Variants in ABCA1 observed in about 807,000 individuals in gnomAD.
The protein encoded by ABCA1 is phospholipid-transporting ATPase ABCA1.
In ABCA1, 133 loss-of-function variants were observed where a neutral mutation model predicts 262.5. The ratio of observed to expected loss-of-function variants is 0.51; its 90% CI spans 0.44 to 0.59. The LOEUF (loss-of-function observed/expected upper bound fraction) is 0.59. Ranked by LOEUF, ABCA1 falls within the 20% of genes least tolerant of loss-of-function variation. The pLI is 0.00. For missense variants in ABCA1, 2,452 were observed against 2,777.5 expected (o/e 0.88, Z 2.63); for synonymous variants, 1,022 against 1,043.5 (o/e 0.98, Z 0.40).
chr9:104,899,637 C>T (rs1025318476), intron 2 of ABCA1, among the ~76,000 whole-genome samples: 1 of 151,516 alleles, frequency 6.6e-6, no homozygotes, highest in East Asian at 1.9e-4. Context: ...GAGGTTGCGG[C>T]GAGCTGAGAT....
intron 2 of ABCA1, among the ~76,000 whole-genome samples, chr9:104,901,364 G>A (rs185897038): frequency 4.9e-4 from 75 of 152,116 alleles, no homozygotes; most frequent in African/African-American, 1.7e-3. Flanking sequence ...TTTCTCATCC[G>A]TAAAATAAGA....
intron 1 of ABCA1, among the ~76,000 whole-genome samples, chr9:104,906,028 TATAA>T (rs1298409022): frequency 6.6e-6 from 1 of 152,198 alleles, no homozygotes; most frequent in Non-Finnish European, 1.5e-5. Flanking sequence ...AACGAGATAA[TATAA>T]ATAATTTCCC....
chr9:104,865,723 A>G (rs1194217998), intron 5 of ABCA1, among the ~76,000 whole-genome samples: 1 of 152,178 alleles, frequency 6.6e-6, no homozygotes, highest in East Asian at 1.9e-4. Context: ...TGAAGGTAAT[A>G]GTATCCACAT....
At chr9:104,915,309 G>C (rs1039682049) in intron 1 of ABCA1, among the ~76,000 whole-genome samples, 1 of 152,166 alleles carries the variant, frequency 6.6e-6, no homozygotes, top group Non-Finnish European at 1.5e-5. Context: ...AGCTAACTCG[G>C]TTAGTGACAA....
At chr9:104,919,305 A>T (rs1040366446) in intron 1 of ABCA1, among the ~76,000 whole-genome samples, 2 of 152,086 alleles carry the variant, frequency 1.3e-5, no homozygotes, top group African/African-American at 4.8e-5. Context: ...GCTTAACAGG[A>T]GTCCATTATA....
Position 104,903,751 on chromosome 9 carries a change from G to A in ABCA1, c.-72C>T. On this transcript the variant is annotated 5_prime_UTR_variant, in exon 2 of 50. Coordinates refer to ENST00000374736, the MANE Select transcript of ABCA1 (RefSeq NM_005502.4). ...GGCAGCGGCCAGAGCTCACAGCAGG[G>A]ACGCCGTGGCTGGTCATTAACTGAA... 7.0e-7 allele frequency: 1 copy of A among 1,428,480 alleles called. No homozygotes were observed. The highest frequency in any genetic ancestry group is 9.6e-7 in the Non-Finnish European group (1 of 1,037,616). 88.5% of individuals were successfully genotyped at this position (1,428,480 alleles called of 1,614,324 possible).
At chr9:104,831,249 C>T (rs1833294649) in intron 13 of ABCA1, 148 bp from the exon 14 acceptor site, 5 of 823,304 alleles carry the variant, frequency 6.1e-6, no homozygotes, top group Non-Finnish European at 9.2e-6. Flanking sequence ...TGGAGTTTCA[C>T]TCTTATTGCC....
At position 104,814,218 on chromosome 9, in the gene ABCA1, T is replaced by G; in HGVS notation, c.3801A>C (p.Pro1267=). The part of the protein sequence containing the change: ...VDAETSDGTL[P]ARRNRRAFGD... ...CGAAGGCCCGCCTGTTTCGTCTTGC[T>G]GGCAAGGTACCATCTGAAGGCACAA... Residue 1267 remains proline (P), a synonymous_variant, in exon 27 of 50, where the codon CCA becomes CCC. Coordinates refer to ENST00000374736, the MANE Select transcript of ABCA1 (RefSeq NM_005502.4). The G allele has an allele frequency of 6.2e-7, 1 of 1,614,260 alleles. No individual in the cohort carries two copies. The highest frequency in any genetic ancestry group is 1.1e-5 in the South Asian group (1 of 91,086).
chr9:104,837,956 TAACATGACC>T (rs1833969344), intron 9 of ABCA1, among the ~76,000 whole-genome samples: 1 of 152,186 alleles, frequency 6.6e-6, no homozygotes, highest in Non-Finnish European at 1.5e-5. Flanking sequence ...CACTGACAAC[TAACATGACC>T]AACATTTAAA....
chr9:104,846,961 G>T (rs1315542568), intron 7 of ABCA1, among the ~76,000 whole-genome samples: 1 of 152,082 alleles, frequency 6.6e-6, no homozygotes, highest in African/African-American at 2.4e-5. Flanking sequence ...CCGAACCTAG[G>T]GAGAACTTGC....
At chr9:104,888,659 T>A (rs919448905) in intron 3 of ABCA1, among the ~76,000 whole-genome samples, 1 of 152,198 alleles carries the variant, frequency 6.6e-6, no homozygotes, top group African/African-American at 2.4e-5. Context: ...TCAAGGTTGT[T>A]ATGAGAATAA....
chr9:104,924,602 T>A (rs1245084891), intron 1 of ABCA1, among the ~76,000 whole-genome samples: 8 of 139,254 alleles, frequency 5.7e-5, no homozygotes, highest in African/African-American at 2.1e-4. Context: ...AGAGCAAGAC[T>A]CCATCTCAGA....
At chr9:104,855,821 C>T (rs1835787819) in intron 7 of ABCA1, 1 of 1,602,656 alleles carries the variant, frequency 6.2e-7, no homozygotes, top group Non-Finnish European at 8.5e-7. Flanking sequence ...CAAAACACTG[C>T]TTTCCAGAGC....
chr9:104,869,065 T>C (rs1837349221), intron 5 of ABCA1, among the ~76,000 whole-genome samples: 1 of 151,380 alleles, frequency 6.6e-6, no homozygotes, highest in African/African-American at 2.4e-5. Flanking sequence ...GGAGAGCAGC[T>C]CAGGAAGGCG....
intron 34 of ABCA1, among the ~76,000 whole-genome samples, chr9:104,800,869 G>T (rs1378579656): frequency 6.6e-6 from 1 of 152,058 alleles, no homozygotes; most frequent in African/African-American, 2.4e-5. Context: ...ACGGTGGGGT[G>T]AGGACTCCTC....
chr9:104,792,743 G>GA (rs758829432), intron 42 of ABCA1, 43 bp downstream of exon 42: 14 of 1,613,626 alleles, frequency 8.7e-6, no homozygotes, highest in East Asian at 6.7e-5. Flanking sequence ...ACATAAAGCT[G>GA]AAAAAAACTG....
intron 8 of ABCA1, among the ~76,000 whole-genome samples, chr9:104,844,931 T>C (rs914544): frequency 0.056 from 8,470 of 152,318 alleles, 432 homozygotes; most frequent in East Asian, 0.3. Context: ...ATTACTCTGA[T>C]ACATTTGTCA....
chr9:104,867,854 C>A (rs1837230631), intron 5 of ABCA1, among the ~76,000 whole-genome samples: 1 of 152,090 alleles, frequency 6.6e-6, no homozygotes, highest in African/African-American at 2.4e-5. Flanking sequence ...TAACTTTGGC[C>A]AATGAGTTAA....
At chr9:104,889,487 T>C in intron 2 of ABCA1, 1 of 646,276 alleles carries the variant, frequency 1.5e-6, no homozygotes, top group Non-Finnish European at 1.9e-6. Flanking sequence ...TTTCCTTTAC[T>C]AAAATCTCAG....
Sources: gnomAD v4.1 joint callset for allele counts (sites outside exome capture counted in the v4.1 genomes callset) on GRCh38, gnomAD v4.1.1 for gene constraint, MANE v1.5 for transcripts, NCBI Gene and HGNC (gene_info 2026-07-23, HGNC 2026-07-21) for gene names.